Variants in FAM174A observed in about 807,000 individuals in gnomAD.
FAM174A encodes the protein family with sequence similarity 174 member A, also known as membrane protein FAM174A.
FAM174A carries 14 observed loss-of-function variants against 14.3 expected under a neutral mutation model. That is an observed-to-expected ratio of 0.98 (90% CI 0.65 to 1.53). The LOEUF is 1.53. FAM174A is among the 40% of genes most tolerant of loss of function. FAM174A has a pLI of 0.00. For synonymous variants in FAM174A, 108 were observed against 111.4 expected, an observed-to-expected ratio of 0.97 and a Z score of 0.19; for missense variants, 241 against 249.6, an observed-to-expected ratio of 0.97 and a Z score of 0.23.
At chr5:100,567,991 A>T (rs951583269) in intron 2 of FAM174A, among the ~76,000 whole-genome samples, 17 of 152,022 alleles carry the variant, frequency 1.1e-4, no homozygotes, top group African/African-American at 4.1e-4. Flanking sequence ...ACATCTGTTC[A>T]TCACAATTCT....
chr5:100,571,521 T>C (rs1487119364), intron 2 of FAM174A, among the ~76,000 whole-genome samples: 1 of 150,006 alleles, frequency 6.7e-6, no homozygotes, highest in Non-Finnish European at 1.5e-5. Context: ...CTGCTTTTCC[T>C]TGTGATTATT....
intron 2 of FAM174A, among the ~76,000 whole-genome samples, chr5:100,574,101 A>T (rs1401948528): frequency 6.6e-6 from 1 of 152,202 alleles, no homozygotes; most frequent in Non-Finnish European, 1.5e-5. Context: ...AATGAACTGT[A>T]TATGTGAGCA....
intron 1 of FAM174A, among the ~76,000 whole-genome samples, chr5:100,543,145 TAG>T: frequency 6.6e-6 from 1 of 152,260 alleles, no homozygotes; most frequent in East Asian, 1.9e-4. Flanking sequence ...TTAGATATAC[TAG>T]CTGCATTTCT....
intron 1 of FAM174A, among the ~76,000 whole-genome samples, chr5:100,552,549 A>G (rs1746285573): frequency 6.6e-6 from 1 of 152,144 alleles, no homozygotes; most frequent in South Asian, 2.1e-4. Context: ...AGGTGCATAT[A>G]TCAGGCTACA....
In FAM174A at chr5:100,556,210, A is replaced by G. The variant is rs562052348; in HGVS notation, c.435-5844A>G. On this transcript the variant is annotated intron_variant, in intron 1 of 2. Coordinates refer to ENST00000312637, the MANE Select transcript of FAM174A (RefSeq NM_198507.3). ...TTTATTAAATAGGGATCCTTTCCCCATTTCTTGTTTTTGTCAGGTTTGTCA... is the reference window on the plus strand; with the variant it reads ...TTTATTAAATAGGGATCCTTTCCCCGTTTCTTGTTTTTGTCAGGTTTGTCA... Among the ~76,000 whole-genome samples the G allele has an allele frequency of 3.9e-4, 59 of 152,208 alleles. No individual in the cohort carries two copies. The East Asian group carries it at 0.011, about 27-fold the overall frequency.
intron 2 of FAM174A, among the ~76,000 whole-genome samples, chr5:100,566,075 TC>T (rs1361690844): frequency 2.8e-5 from 4 of 141,758 alleles, no homozygotes; most frequent in Admixed American, 7.6e-5. Flanking sequence ...GAGCTACAAT[TC>T]AAGATGAGAT....
At chr5:100,570,184 A>G (rs1169007025) in intron 2 of FAM174A, among the ~76,000 whole-genome samples, 2 of 151,908 alleles carry the variant, frequency 1.3e-5, no homozygotes, top group Non-Finnish European at 2.9e-5. Context: ...TTTCTACCAC[A>G]TAACAGCATT....
chr5:100,568,233 C>T (rs1038685737), intron 2 of FAM174A, among the ~76,000 whole-genome samples: 9 of 151,824 alleles, frequency 5.9e-5, no homozygotes, highest in African/African-American at 1.9e-4. Context: ...TCAGTGGGAG[C>T]GTCTTCAAAA....
chr5:100,544,987 C>A (rs1221476472), intron 1 of FAM174A, among the ~76,000 whole-genome samples: 1 of 152,212 alleles, frequency 6.6e-6, no homozygotes, highest in South Asian at 2.1e-4. Context: ...CTACAGCAAG[C>A]GTCTATTCTG....
At position 100,586,341 on chromosome 5, in the gene FAM174A, C is replaced by G. The variant is rs1300045586; in HGVS notation, c.*157C>G. On this transcript the variant is annotated 3_prime_UTR_variant, in exon 3 of 3. Coordinates refer to ENST00000312637, the MANE Select transcript of FAM174A (RefSeq NM_198507.3). ...TTTGCTGTTGCAATAAATACCGTATCCTTTTATTATATCTTTATATGTATA... is the reference window on the plus strand; with the variant it reads ...TTTGCTGTTGCAATAAATACCGTATGCTTTTATTATATCTTTATATGTATA... 2.2e-6 allele frequency: 1 copy of G among 450,674 alleles called. No individual in the cohort carries two copies. Among genetic ancestry groups the G allele is most frequent in the Non-Finnish European group, 4.1e-6 (1 of 244,634 alleles). The allele number at this position is 450,674 out of a possible 1,614,324, so 27.9% of individuals were successfully genotyped here. A position where few individuals can be genotyped will look rare whatever the true frequency, so the allele number is the denominator to read the frequency against.
At chr5:100,553,318 T>C (rs1281213085) in intron 1 of FAM174A, among the ~76,000 whole-genome samples, 1 of 152,092 alleles carries the variant, frequency 6.6e-6, no homozygotes, top group Non-Finnish European at 1.5e-5. Flanking sequence ...GTTAGTATTT[T>C]CAGTAGTGTT....
intron 2 of FAM174A, among the ~76,000 whole-genome samples, chr5:100,566,167 T>TC (rs1746647032): frequency 7.0e-6 from 1 of 142,942 alleles, no homozygotes; most frequent in South Asian, 2.2e-4. Flanking sequence ...TATATATATA[T>TC]ATATGTACAT....
intron 2 of FAM174A, among the ~76,000 whole-genome samples, chr5:100,575,358 C>A (rs992206792): frequency 2.6e-5 from 4 of 152,048 alleles, no homozygotes; most frequent in Non-Finnish European, 5.9e-5. Flanking sequence ...CCCATTAACT[C>A]ATCATTTACA....
chr5:100,569,987 G>T (rs911953161), intron 2 of FAM174A, among the ~76,000 whole-genome samples: 1 of 151,856 alleles, frequency 6.6e-6, no homozygotes, highest in Non-Finnish European at 1.5e-5. Context: ...AATAAGGATG[G>T]ATATTTCAGG....
intron 1 of FAM174A, among the ~76,000 whole-genome samples, chr5:100,560,597 A>T (rs1746503694): frequency 6.6e-6 from 1 of 152,050 alleles, no homozygotes; most frequent in Non-Finnish European, 1.5e-5. Context: ...CTTTACACCC[A>T]GGTGCTAATA....
At chr5:100,554,732 T>G (rs1376928164) in intron 1 of FAM174A, among the ~76,000 whole-genome samples, 1 of 152,190 alleles carries the variant, frequency 6.6e-6, no homozygotes, top group Non-Finnish European at 1.5e-5. Context: ...AAATTCCTTC[T>G]TCTGATGTTT....
intron 2 of FAM174A, among the ~76,000 whole-genome samples, chr5:100,566,141 GATAT>G (rs60895683): frequency 0.07 from 5,717 of 81,772 alleles, 260 homozygotes; most frequent in Non-Finnish European, 0.1. Context: ...TGAAAAGTAT[GATAT>G]ATATATATAT....
intron 1 of FAM174A, among the ~76,000 whole-genome samples, chr5:100,543,582 C>A (rs914972090): frequency 6.6e-6 from 1 of 151,936 alleles, no homozygotes; most frequent in Non-Finnish European, 1.5e-5. Context: ...TTAATTAGCT[C>A]CTTAATCAGA....
At chr5:100,547,666 C>T (rs1370486299) in intron 1 of FAM174A, among the ~76,000 whole-genome samples, 1 of 151,980 alleles carries the variant, frequency 6.6e-6, no homozygotes, top group African/African-American at 2.4e-5. Context: ...TGATAGAACC[C>T]GCCTGAAAGA....
Sources: allele counts gnomAD v4.1 joint callset (sites outside exome capture counted in the v4.1 genomes callset), GRCh38; gene constraint gnomAD v4.1.1; transcripts MANE v1.5; gene names NCBI Gene and HGNC (gene_info 2026-07-23, HGNC 2026-07-21).